Variants in CLIC5 observed in about 807,000 individuals in gnomAD.
CLIC5 encodes chloride intracellular channel protein 5.
In CLIC5, 20 loss-of-function variants were observed where a neutral mutation model predicts 24.7. That is an observed-to-expected ratio of 0.81 (90% CI 0.57 to 1.18). The LOEUF is 1.18. Ranked by LOEUF, CLIC5 falls within the 50% of genes most tolerant of loss-of-function variation. CLIC5 has a pLI of 0.00. For synonymous variants in CLIC5, 159 were observed against 135.6 expected (o/e 1.17, Z -1.20); for missense variants, 341 against 326.1 (o/e 1.05, Z -0.35).
rs149894592 is a variant in CLIC5, at chr6:45,987,514, A to G, written c.63+27966T>C. 3.7e-3 allele frequency among the ~76,000 whole-genome samples: 571 copies of G among 152,364 alleles called. 2 individuals carry two copies. Among genetic ancestry groups the G allele is most frequent in the African/African-American group, 0.013 (521 of 41,588 alleles). ...AGATAGATTTTTGTATCGTTGTTAT[A>G]ATCACAACACCAAAGTCTTAGCCTG... is the stretch of plus-strand genomic sequence containing the variant. On this transcript the variant is annotated intron_variant, in intron 1 of 5. Coordinates refer to ENST00000339561, the MANE Select transcript of CLIC5 (RefSeq NM_016929.5).
At chr6:46,079,460 T>G (rs951022923) in intron 1 of CLIC5, among the ~76,000 whole-genome samples, 1 of 152,270 alleles carries the variant, frequency 6.6e-6, no homozygotes, top group Non-Finnish European at 1.5e-5. Flanking sequence ...TGAAAAATAC[T>G]TTGCCCATGG....
At chr6:45,956,419 G>A (rs919316554) in intron 1 of CLIC5, among the ~76,000 whole-genome samples, 6 of 151,798 alleles carry the variant, frequency 4.0e-5, no homozygotes, top group East Asian at 1.9e-4. Context: ...CTGAAGACTC[G>A]TACAAAGCTG....
At chr6:45,972,093 C>A (rs773518775) in intron 1 of CLIC5, among the ~76,000 whole-genome samples, 25 of 152,160 alleles carry the variant, frequency 1.6e-4, no homozygotes, top group Non-Finnish European at 3.2e-4. Flanking sequence ...AGAACAGAAA[C>A]AAGGCTTAGA....
chr6:46,083,847 G>A (rs1304725179), upstream of CLIC5, among the ~76,000 whole-genome samples: 13 of 151,766 alleles, frequency 8.6e-5, no homozygotes, highest in African/African-American at 2.2e-4. Context: ...TTTCTGTCTC[G>A]TTGATCTGTC....
chr6:45,899,236 T>C lies in CLIC5; in HGVS notation c.*3852A>G, dbSNP rs933052718. ...AACATCAGAATCAGGGTGCTTCACA[T>C]GCACATGTCTTTCTCTGATGCTTTC... On this transcript the variant is annotated 3_prime_UTR_variant, in exon 6 of 6. Coordinates refer to ENST00000339561, the MANE Select transcript of CLIC5 (RefSeq NM_016929.5). 1.3e-5 allele frequency: 2 copies of C among 152,222 alleles called. No homozygotes were observed. Among genetic ancestry groups the C allele is most frequent in the African/African-American group, 4.8e-5 (2 of 41,464 alleles). The allele number at this position is 152,222 out of a possible 1,614,324, so 9.4% of individuals were successfully genotyped here.
In CLIC5 at chr6:46,075,531, G is replaced by C. The variant is rs998736035; in HGVS notation, c.540+4172C>G. On this transcript the variant is annotated intron_variant, in intron 1 of 5. Transcript: ENST00000185206. Reference sequence around the variant, plus strand: ...GCCCAGGAGATTGAGGCTGCAATGAGCTGTGTTTGCACCATTGCCCTCCAG... The same window carrying C: ...GCCCAGGAGATTGAGGCTGCAATGACCTGTGTTTGCACCATTGCCCTCCAG... Among the ~76,000 whole-genome samples, 3 of 152,280 alleles carry C rather than the reference G, an allele frequency of 2.0e-5. No individual in the cohort carries two copies. In the South Asian group the frequency reaches 6.2e-4, roughly 32 times the overall value.
chr6:46,005,428 C>G (rs988699924), intron 1 of CLIC5, among the ~76,000 whole-genome samples: 3 of 152,190 alleles, frequency 2.0e-5, no homozygotes, highest in Admixed American at 6.5e-5. Flanking sequence ...GCAAAGGCCT[C>G]CCACGCCAAA....
At chr6:45,978,195 C>G (rs1240147195) in intron 1 of CLIC5, among the ~76,000 whole-genome samples, 1 of 152,170 alleles carries the variant, frequency 6.6e-6, no homozygotes, top group Non-Finnish European at 1.5e-5. Flanking sequence ...AAAATAACTG[C>G]TCAATAAACA....
downstream of CLIC5, among the ~76,000 whole-genome samples, chr6:45,897,918 A>G (rs1485410937): frequency 6.6e-6 from 1 of 152,126 alleles, no homozygotes; most frequent in Non-Finnish European, 1.5e-5. Context: ...AAAGAGCATC[A>G]GTATAATTTT....
intron 1 of CLIC5, among the ~76,000 whole-genome samples, chr6:46,066,256 G>A (rs1239824722): frequency 6.6e-6 from 1 of 152,102 alleles, no homozygotes; most frequent in African/African-American, 2.4e-5. Flanking sequence ...TGCTCAACAG[G>A]ACTTGTCAAA....
At chr6:45,955,054 C>A in intron 2 of CLIC5, 81 bp downstream of exon 2, 5 of 967,594 alleles carry the variant, frequency 5.2e-6, no homozygotes, top group Non-Finnish European at 8.1e-6. Context: ...CTGGGAGCCA[C>A]GGAAGGCTTT....
At chr6:46,005,586 C>G (rs1766521988) in intron 1 of CLIC5, among the ~76,000 whole-genome samples, 1 of 152,184 alleles carries the variant, frequency 6.6e-6, no homozygotes, top group African/African-American at 2.4e-5. Context: ...AGCTTGCCAT[C>G]AGAGATGCTT....
At chr6:46,101,057 T>C in the CLIC5 span, among the ~76,000 whole-genome samples, 7 of 152,116 alleles carry the variant, frequency 4.6e-5, no homozygotes, top group Admixed American at 4.6e-4. Context: ...GAAATACATC[T>C]CATAGAAGAG....
intron 1 of CLIC5, among the ~76,000 whole-genome samples, chr6:45,990,652 A>G (rs903586674): frequency 3.9e-5 from 6 of 152,250 alleles, no homozygotes; most frequent in African/African-American, 1.4e-4. Flanking sequence ...CTTACAAAAT[A>G]TACTGATGCC....
chr6:46,088,161 C>CTGTG, the CLIC5 span, among the ~76,000 whole-genome samples: 34,352 of 146,242 alleles, frequency 0.23, 3,962 homozygotes, highest in Middle Eastern at 0.32. Context: ...CGCTCTCTTT[C>CTGTG]TGTGTGTGTG....
At chr6:46,041,169 A>G (rs1767797426) in intron 1 of CLIC5, among the ~76,000 whole-genome samples, 1 of 152,226 alleles carries the variant, frequency 6.6e-6, no homozygotes, top group African/African-American at 2.4e-5. Flanking sequence ...GTGTTCAGAG[A>G]GTGTGCATTT....
chr6:45,972,674 T>G lies in CLIC5; in HGVS notation c.64-17430A>C, dbSNP rs563932053. On this transcript the variant is annotated intron_variant, in intron 1 of 5. Transcript: ENST00000339561. ...GCCCCATACTTACTGAATCAGAACC[T>G]GCATTTTCAGTAAGACCTCTAAGTG... Among the ~76,000 whole-genome samples the G allele has an allele frequency of 1.5e-4, 23 of 152,308 alleles. No individual in the cohort carries two copies. In the South Asian group the frequency reaches 4.6e-3, roughly 30 times the overall value.
At chr6:45,970,746 C>A (rs1401635278) in intron 1 of CLIC5, among the ~76,000 whole-genome samples, 1 of 152,220 alleles carries the variant, frequency 6.6e-6, no homozygotes, top group Non-Finnish European at 1.5e-5. Flanking sequence ...GGAAGTCAGA[C>A]AACCTGCATA....
intron 1 of CLIC5, among the ~76,000 whole-genome samples, chr6:46,057,400 C>T (rs776812086): frequency 6.6e-6 from 1 of 152,206 alleles, no homozygotes; most frequent in South Asian, 2.1e-4. Flanking sequence ...CTTGCCGTGA[C>T]TCTGAGTCCT....
Sources: allele counts gnomAD v4.1 joint callset (sites outside exome capture counted in the v4.1 genomes callset), GRCh38; gene constraint gnomAD v4.1.1; transcripts MANE v1.5; gene names NCBI Gene and HGNC (gene_info 2026-07-23, HGNC 2026-07-21).